RPN1: variants seen among roughly 807,000 people sequenced by gnomAD.
RPN1 encodes ribophorin I.
Under a neutral mutation model 55.5 loss-of-function variants are expected in RPN1, and 12 were observed. That is an observed-to-expected ratio of 0.22 (90% CI 0.14 to 0.35). The LOEUF is 0.35. RPN1 is among the 10% of genes least tolerant of loss of function. The pLI, the probability that RPN1 is intolerant of heterozygous loss-of-function variation, is 1.00. For missense variants in RPN1, 679 were observed against 761.3 expected (o/e 0.89, Z 1.27); for synonymous variants, 317 against 305.9 (o/e 1.04, Z -0.38).
At position 128,631,055 on chromosome 3, in the gene RPN1, G is replaced by A. The variant is rs537650594; in HGVS notation, c.843+893C>T. 2.5e-4 allele frequency among the ~76,000 whole-genome samples: 38 copies of A among 150,306 alleles called. No individual in the cohort carries two copies. The South Asian group carries it at 5.3e-3, about 21-fold the overall frequency. ...ATGAACCCGGGAGGCAGAGCTTGCC[G>A]TGAGCCGAGATCGTGCCACTACACT... On this transcript the variant is annotated intron_variant, in intron 4 of 9. Coordinates refer to ENST00000296255, the MANE Select transcript of RPN1 (RefSeq NM_002950.4).
chr3:128,649,031 T>C (rs1445882999), intron 1 of RPN1, among the ~76,000 whole-genome samples: 5 of 152,204 alleles, frequency 3.3e-5, no homozygotes. Flanking sequence ...CCCACCATAA[T>C]ATCTGACACA....
At position 128,628,855 on chromosome 3, in the gene RPN1, G is replaced by A. The variant is rs377518298; in HGVS notation, c.1036+1096C>T. ...AAAATAACCAGGCATGATGGCGGGT[G>A]CCTGTAGTCTCAGCTACTCGGGAGG... is the stretch of plus-strand genomic sequence containing the variant. On this transcript the variant is annotated intron_variant, in intron 5 of 9. Transcript: ENST00000296255. 1.1e-4 allele frequency among the ~76,000 whole-genome samples: 16 copies of A among 152,162 alleles called. No individual in the cohort carries two copies. In the East Asian group the frequency reaches 2.9e-3, roughly 28 times the overall value.
At chr3:128,635,646 T>TAGATAG (rs1559755844) in intron 3 of RPN1, among the ~76,000 whole-genome samples, 2 of 16,764 alleles carry the variant, frequency 1.2e-4, no homozygotes, top group African/African-American at 3.5e-4. Context: ...TATAGATATA[T>TAGATAG]ATATATATAT....
At chr3:128,639,190 C>T (rs1461973192) in intron 2 of RPN1, among the ~76,000 whole-genome samples, 3 of 151,712 alleles carry the variant, frequency 2.0e-5, no homozygotes, top group Non-Finnish European at 4.4e-5. Flanking sequence ...GGGTGGCTTA[C>T]GCCTGTAATC....
At chr3:128,631,032 G>A (rs1423384108) in intron 4 of RPN1, among the ~76,000 whole-genome samples, 1 of 151,200 alleles carries the variant, frequency 6.6e-6, no homozygotes, top group Non-Finnish European at 1.5e-5. Flanking sequence ...AGAATAGCAT[G>A]AACCCGGGAG....
chr3:128,630,232 T>C, intron 4 of RPN1, 89 bp from the exon 5 acceptor site: 1 of 801,896 alleles, frequency 1.2e-6, no homozygotes, highest in Non-Finnish European at 2.0e-6. Context: ...TGCACCAAGA[T>C]CCTCACATGG....
In RPN1 at chr3:128,650,792, C is replaced by T. The variant is rs768954574; in HGVS notation, c.9G>A (p.Ala3=). Residue 3 remains alanine (A), a synonymous_variant, in exon 1 of 10, where the codon GCG becomes GCA. Transcript: ENST00000296255. ...GGAGCAGAAACAAGCCGGCGGCTGG[C>T]GCCTCCATGACCGGGAAGAGCAGTG... ME[A]PAAGLFLLLL... 9.1e-6 allele frequency: 14 copies of T among 1,532,478 alleles called. 1 individual carries two copies. The South Asian group carries it at 1.3e-4, about 14-fold the overall frequency. 94.9% of individuals were successfully genotyped at this position (1,532,478 alleles called of 1,614,324 possible).
chr3:128,621,489 G>C (rs533209337), intron 9 of RPN1, among the ~76,000 whole-genome samples: 1 of 152,302 alleles, frequency 6.6e-6, no homozygotes, highest in East Asian at 1.9e-4. Context: ...GTGAAACCCT[G>C]TCTCAAAAAC....
Position 128,650,577 on chromosome 3 carries a change from G to C in RPN1, c.224C>G (p.Pro75Arg), listed in dbSNP as rs534980644. Reference sequence around the variant, plus strand: ...GTGCGCCAGCCGGGCCTCGAGCTCAGGCTCCAAAGCCAGCAGGAAAGAGGT... The same window carrying C: ...GTGCGCCAGCCGGGCCTCGAGCTCACGCTCCAAAGCCAGCAGGAAAGAGGT... Reference protein sequence around the residue: ...RATSFLLALEPELEARLAHLG... With the variant: ...RATSFLLALERELEARLAHLG... Residue 75 changes from proline to arginine, a missense_variant, in exon 1 of 10, where the codon CCT (proline) becomes CGT (arginine). By Grantham distance (103) the Pro-to-Arg change is moderately radical. Around this residue, in one of 3 missense-constraint regions of RPN1, gnomAD observed 352 missense variants for 352.8 expected, o/e 1.00. Transcript: ENST00000296255. 1 of 1,547,032 alleles carries C rather than the reference G, an allele frequency of 6.5e-7. No individual in the cohort carries two copies. Among genetic ancestry groups the C allele is most frequent in the Non-Finnish European group, 8.7e-7 (1 of 1,145,968 alleles).
intron 8 of RPN1, among the ~76,000 whole-genome samples, chr3:128,624,844 AAC>A (rs1491150394): frequency 1.1e-4 from 17 of 152,232 alleles, no homozygotes; most frequent in Admixed American, 2.0e-4. Context: ...CAAAAAAAAA[AAC>A]ACACGCTGTG....
At chr3:128,641,123 C>T (rs1402854759) in intron 2 of RPN1, 1 of 151,108 alleles carries the variant, frequency 6.6e-6, no homozygotes, top group Non-Finnish European at 1.5e-5. Context: ...TAAAGCTCTT[C>T]TCTAGCTGGA....
intron 2 of RPN1, among the ~76,000 whole-genome samples, chr3:128,640,064 C>T (rs1389548919): frequency 3.3e-5 from 5 of 151,950 alleles, no homozygotes; most frequent in East Asian, 1.9e-4. Flanking sequence ...CCCAGATACT[C>T]GGGAGGCTGA....
chr3:128,638,684 G>A (rs1307538699), intron 2 of RPN1, among the ~76,000 whole-genome samples: 1 of 152,196 alleles, frequency 6.6e-6, no homozygotes, highest in African/African-American at 2.4e-5. Context: ...GTGATCTCTT[G>A]GCTGGGTGCA....
chr3:128,642,354 G>A (rs894807230), intron 2 of RPN1: 1 of 152,032 alleles, frequency 6.6e-6, no homozygotes, highest in Non-Finnish European at 1.5e-5. Context: ...GTAATTCAAG[G>A]ATTAAACTTA....
chr3:128,643,415 G>A (rs9879730), intron 2 of RPN1, among the ~76,000 whole-genome samples: 31,003 of 151,686 alleles, frequency 0.2, 3,445 homozygotes, highest in East Asian at 0.41. Flanking sequence ...TGTAATCCCC[G>A]CACTTTGGAA....
chr3:128,623,343 C>A (rs2069574152), intron 8 of RPN1, among the ~76,000 whole-genome samples: 1 of 152,066 alleles, frequency 6.6e-6, no homozygotes, highest in Non-Finnish European at 1.5e-5. Context: ...TCGAGACCAG[C>A]CTAGCCAACA....
At chr3:128,632,257 A>T (rs1381996040) in intron 3 of RPN1, 100 bp from the exon 4 acceptor site, 5 of 1,044,350 alleles carry the variant, frequency 4.8e-6, no homozygotes, top group Non-Finnish European at 7.2e-6. Flanking sequence ...TCAGCAACAG[A>T]ACGGGTAAAT....
Position 128,622,321 on chromosome 3 carries a change from T to A in RPN1, c.1484A>T (p.His495Leu), listed in dbSNP as rs369349961. The A allele has an allele frequency of 6.2e-6, 10 of 1,614,110 alleles. No homozygotes were observed. In the African/African-American group the frequency reaches 1.3e-4, roughly 22 times the overall value. The change falls in exon 9 of 10, where the codon CAC becomes CTC. Residue 495 changes from histidine (H) to leucine (L), a missense_variant. Transcript: ENST00000296255. Reference sequence around the variant, plus strand: ...GTACCTATTGACGGTCTCGTCAAAGTGACGGTAAAGGCCTATTCTCTTGTT... The same window carrying A: ...GTACCTATTGACGGTCTCGTCAAAGAGACGGTAAAGGCCTATTCTCTTGTT... ...LVNKRIGLYR[H>L]FDETVNRYKQ... is the part of the protein sequence containing the mutation.
rs750296401 is a variant in RPN1, at chr3:128,650,739, G to C, written c.62C>G (p.Pro21Arg). 1.3e-6 allele frequency: 2 copies of C among 1,553,844 alleles called. No homozygotes were observed. The highest frequency in any genetic ancestry group is 8.7e-7 in the Non-Finnish European group (1 of 1,148,636). Residue 21 changes from proline (P) to arginine (R), a missense_variant, in exon 1 of 10, where the codon CCG becomes CGG. Physicochemically the swap from Pro to Arg is moderately radical, Grantham distance 103. This residue lies in a region of RPN1 where 352 missense variants were observed against 352.8 expected (regional missense o/e 1.00). Transcript: ENST00000296255. ...CGGTGCCTCGGAGGAGGCGCTGCCCGGCGCCGGGGCCCAAGTCCCAAGCAA... is the reference window on the plus strand; with the variant it reads ...CGGTGCCTCGGAGGAGGCGCTGCCCCGCGCCGGGGCCCAAGTCCCAAGCAA... ...LLLLGTWAPA[P>R]GSASSEAPPL... is the part of the protein sequence containing the mutation.
Sources: allele counts gnomAD v4.1 joint callset (sites outside exome capture counted in the v4.1 genomes callset), GRCh38; gene constraint gnomAD v4.1.1; regional missense constraint gnomAD v4.1.1; transcripts MANE v1.5; gene names NCBI Gene and HGNC (gene_info 2026-07-23, HGNC 2026-07-21).